Variants in SELENOF observed in about 807,000 individuals in gnomAD.
SELENOF encodes 15 kDa selenoprotein.
A neutral mutation model predicts 20.5 loss-of-function variants in SELENOF; 16 were observed. The ratio of observed to expected loss-of-function variants is 0.78; its 90% CI spans 0.53 to 1.19. The LOEUF (loss-of-function observed/expected upper bound fraction) is 1.19. SELENOF is among the 50% of genes most tolerant of loss of function. The pLI is 0.00. For synonymous variants in SELENOF, 78 were observed against 74.5 expected (o/e 1.05, Z -0.24); for missense variants, 215 against 194.2 (o/e 1.11, Z -0.64).
intron 2 of SELENOF, chr1:86,887,155 C>T: frequency 6.5e-7 from 1 of 1,540,826 alleles, no homozygotes; most frequent in Non-Finnish European, 8.7e-7. Context: ...TTCATACTCA[C>T]TTTGAGTGAT....
At chr1:86,880,766 T>A in intron 2 of SELENOF, 41 bp from the exon 3 acceptor site, 1 of 1,216,056 alleles carries the variant, frequency 8.2e-7, no homozygotes, top group Non-Finnish European at 1.2e-6. Context: ...CTGGTATAAA[T>A]TAAAAATGTA....
intron 1 of SELENOF, among the ~76,000 whole-genome samples, chr1:86,911,574 G>C (rs965011089): frequency 3.3e-5 from 5 of 152,168 alleles, no homozygotes; most frequent in African/African-American, 1.2e-4. Flanking sequence ...ATTTTAGGCA[G>C]ATCACTTGAT....
At chr1:86,909,174 A>T (rs1659910066) in intron 1 of SELENOF, among the ~76,000 whole-genome samples, 1 of 152,220 alleles carries the variant, frequency 6.6e-6, no homozygotes, top group Non-Finnish European at 1.5e-5. Flanking sequence ...ACTGCCAACT[A>T]CTTATGCCAC....
At chr1:86,880,196 C>T (rs1436329312) in intron 3 of SELENOF, among the ~76,000 whole-genome samples, 6 of 150,792 alleles carry the variant, frequency 4.0e-5, no homozygotes, top group African/African-American at 7.3e-5. Flanking sequence ...AGTGCAGTGG[C>T]GTGATCTCGG....
chr1:86,879,804 G>A (rs1371175152), intron 3 of SELENOF, among the ~76,000 whole-genome samples: 2 of 152,196 alleles, frequency 1.3e-5, no homozygotes, highest in African/African-American at 4.8e-5. Flanking sequence ...ACTATTGGAT[G>A]TCAACCCAAA....
chr1:86,896,340 C>G (rs1464225734), intron 2 of SELENOF, among the ~76,000 whole-genome samples: 2 of 151,774 alleles, frequency 1.3e-5, no homozygotes, highest in Admixed American at 1.3e-4. Flanking sequence ...TATTAAGAAC[C>G]TTGATTAAGG....
chr1:86,912,976 T>C (rs1660024444), intron 1 of SELENOF, among the ~76,000 whole-genome samples: 1 of 151,980 alleles, frequency 6.6e-6, no homozygotes, highest in African/African-American at 2.4e-5. Context: ...CCTTAAACAG[T>C]AGAAAGTTTA....
At chr1:86,882,028 T>TA (rs1328301562) in intron 2 of SELENOF, among the ~76,000 whole-genome samples, 1 of 151,882 alleles carries the variant, frequency 6.6e-6, no homozygotes, top group Admixed American at 6.6e-5. Context: ...GGTCAAGAGA[T>TA]AGAGACCATC....
At chr1:86,890,482 A>G (rs1427078398) in intron 2 of SELENOF, among the ~76,000 whole-genome samples, 1 of 151,948 alleles carries the variant, frequency 6.6e-6, no homozygotes, top group Admixed American at 6.6e-5. Flanking sequence ...CCTCTACTTA[A>G]TAACTCTTTT....
intron 2 of SELENOF, among the ~76,000 whole-genome samples, chr1:86,883,309 G>A (rs1445699139): frequency 6.6e-6 from 1 of 152,114 alleles, no homozygotes; most frequent in African/African-American, 2.4e-5. Flanking sequence ...GGGAGTTATT[G>A]TTTCATGGGT....
chr1:86,901,996 A>G (rs1013648361), intron 2 of SELENOF, among the ~76,000 whole-genome samples: 2 of 152,302 alleles, frequency 1.3e-5, no homozygotes, highest in Non-Finnish European at 2.9e-5. Flanking sequence ...GTTGAGTAGT[A>G]GTACAGCCCA....
At chr1:86,899,738 C>T (rs1659635296) in intron 2 of SELENOF, among the ~76,000 whole-genome samples, 2 of 151,842 alleles carry the variant, frequency 1.3e-5, no homozygotes, top group Non-Finnish European at 2.9e-5. Flanking sequence ...GGAGACGCTC[C>T]TCACTTCCCA....
intron 2 of SELENOF, among the ~76,000 whole-genome samples, chr1:86,895,065 AAGT>A (rs1324071952): frequency 9.8e-5 from 15 of 152,314 alleles, no homozygotes; most frequent in African/African-American, 3.4e-4. Context: ...AAAAATTTGA[AAGT>A]AGGATTGTGT....
intron 3 of SELENOF, 52 bp downstream of exon 3, chr1:86,880,609 TA>T: frequency 2.0e-6 from 2 of 1,009,582 alleles, no homozygotes; most frequent in Non-Finnish European, 2.9e-6. Flanking sequence ...ACGATTCACA[TA>T]AAATGTTGAT....
intron 1 of SELENOF, among the ~76,000 whole-genome samples, chr1:86,907,375 G>A (rs1659857320): frequency 6.6e-6 from 1 of 152,154 alleles, no homozygotes. Flanking sequence ...ACAAAGTATC[G>A]AGTTTCTTAG....
intron 3 of SELENOF, among the ~76,000 whole-genome samples, chr1:86,871,805 CATA>C (rs906096782): frequency 7.1e-6 from 1 of 141,150 alleles, no homozygotes; most frequent in Non-Finnish European, 1.5e-5. Context: ...TATTTGAATA[CATA>C]ATATTATTTG....
intron 3 of SELENOF, among the ~76,000 whole-genome samples, chr1:86,875,281 T>C (rs1254570760): frequency 6.6e-6 from 1 of 151,736 alleles, no homozygotes; most frequent in Non-Finnish European, 1.5e-5. Flanking sequence ...TTTACTATTA[T>C]ATACATCTGG....
intron 1 of SELENOF, among the ~76,000 whole-genome samples, chr1:86,903,936 C>T (rs2102126929): frequency 6.6e-6 from 1 of 152,278 alleles, no homozygotes; most frequent in South Asian, 2.1e-4. Flanking sequence ...CTCCCACCTC[C>T]CCTACAAGCT....
intron 3 of SELENOF, among the ~76,000 whole-genome samples, chr1:86,873,795 T>G (rs1333531708): frequency 6.7e-6 from 1 of 149,012 alleles, no homozygotes; most frequent in Non-Finnish European, 1.5e-5. Context: ...GAAGTTGTGG[T>G]GAGCCAAGAT....
Sources: gnomAD v4.1 joint callset for allele counts (sites outside exome capture counted in the v4.1 genomes callset) on GRCh38, gnomAD v4.1.1 for gene constraint, MANE v1.5 for transcripts, NCBI Gene and HGNC (gene_info 2026-07-23, HGNC 2026-07-21) for gene names.